The following ADGRB3 variants were observed in gnomAD, a reference collection of about 807,000 sequenced individuals.
ADGRB3 encodes brain-specific angiogenesis inhibitor 3.
Under a neutral mutation model 193.4 loss-of-function variants are expected in ADGRB3, and 37 were observed. The ratio of observed to expected loss-of-function variants is 0.19; its 90% CI spans 0.15 to 0.25. ADGRB3 has a LOEUF of 0.25. Ranked by LOEUF, ADGRB3 falls within the 10% of genes least tolerant of loss-of-function variation. The pLI is 1.00. For missense variants in ADGRB3, 1,637 were observed against 1,852.9 expected, an observed-to-expected ratio of 0.88 and a Z score of 2.14; for synonymous variants, 690 against 644.2, an observed-to-expected ratio of 1.07 and a Z score of -1.08.
intron 17 of ADGRB3, among the ~76,000 whole-genome samples, chr6:69,164,695 C>T (rs1242416428): frequency 6.6e-6 from 1 of 152,046 alleles, no homozygotes; most frequent in African/African-American, 2.4e-5. Flanking sequence ...TAGATAGGCA[C>T]TAATTGAGCA....
In ADGRB3 at chr6:69,298,931, A is replaced by G. The variant is rs142875773; in HGVS notation, c.2815-25941A>G. ...GATTGCTGGATCATATGGTAGTTCT[A>G]TTTTTAGTTTTTTAAGGGGCCCCCA... On this transcript the variant is annotated intron_variant, in intron 20 of 31. Transcript: ENST00000370598. Among the ~76,000 whole-genome samples the G allele has an allele frequency of 9.1e-3, 1,379 of 151,910 alleles. 54 individuals are homozygous for G. The highest frequency in any genetic ancestry group is 0.075 in the Admixed American group (1,143 of 15,208).
intron 30 of ADGRB3, among the ~76,000 whole-genome samples, chr6:69,382,037 T>C (rs963756358): frequency 1.3e-5 from 2 of 151,990 alleles, no homozygotes; most frequent in Middle Eastern, 3.4e-3. Flanking sequence ...TGAACAAGAT[T>C]CAGCCCATGA....
intron 3 of ADGRB3, among the ~76,000 whole-genome samples, chr6:68,687,171 CTAAA>C (rs1764997830): frequency 6.6e-6 from 1 of 151,512 alleles, no homozygotes; most frequent in Non-Finnish European, 1.5e-5. Context: ...CTAACAAAGC[CTAAA>C]TATATTTTTA....
intron 3 of ADGRB3, among the ~76,000 whole-genome samples, chr6:68,714,896 G>A (rs1186018424): frequency 6.6e-6 from 1 of 151,650 alleles, no homozygotes; most frequent in Non-Finnish European, 1.5e-5. Context: ...ATGAGATTAA[G>A]TGATCTCATC....
intron 11 of ADGRB3, among the ~76,000 whole-genome samples, chr6:69,012,500 T>C (rs1769966270): frequency 6.6e-6 from 1 of 152,070 alleles, no homozygotes; most frequent in Admixed American, 6.6e-5. Flanking sequence ...TAGAGCTCAA[T>C]GGACTAAGCC....
intron 18 of ADGRB3, among the ~76,000 whole-genome samples, chr6:69,234,793 G>T (rs1256765943): frequency 6.6e-6 from 1 of 152,052 alleles, no homozygotes; most frequent in African/African-American, 2.4e-5. Flanking sequence ...ATATTCCATA[G>T]CCCACCATTT....
At chr6:68,786,863 T>C (rs1030863877) in intron 3 of ADGRB3, among the ~76,000 whole-genome samples, 30 of 151,824 alleles carry the variant, frequency 2.0e-4, no homozygotes, top group Non-Finnish European at 3.7e-4. Context: ...TTGAAGAGGT[T>C]CTTCACATCC....
intron 3 of ADGRB3, among the ~76,000 whole-genome samples, chr6:68,704,108 A>AT (rs1447079509): frequency 6.6e-6 from 1 of 152,236 alleles, no homozygotes; most frequent in Non-Finnish European, 1.5e-5. Context: ...ACATTTTGAC[A>AT]TTTTAAACAT....
chr6:69,331,597 AT>A, intron 23 of ADGRB3: 1 of 985,412 alleles, frequency 1.0e-6, no homozygotes, highest in Non-Finnish European at 1.2e-6. Context: ...TGCAAGAAAA[AT>A]AAAATCAAGG....
intron 10 of ADGRB3, among the ~76,000 whole-genome samples, chr6:68,988,779 G>A (rs886074520): frequency 1.3e-5 from 2 of 152,108 alleles, no homozygotes; most frequent in Non-Finnish European, 2.9e-5. Context: ...CAAGCCTCCA[G>A]CAATGACCCA....
intron 17 of ADGRB3, among the ~76,000 whole-genome samples, chr6:69,115,371 C>A (rs1214550158): frequency 6.6e-6 from 1 of 152,036 alleles, no homozygotes; most frequent in African/African-American, 2.4e-5. Flanking sequence ...CGCATGTTCT[C>A]ACTCATAAGT....
chr6:68,715,799 A>G (rs545276360), intron 3 of ADGRB3, among the ~76,000 whole-genome samples: 1 of 151,934 alleles, frequency 6.6e-6, no homozygotes, highest in South Asian at 2.1e-4. Flanking sequence ...GAAAAGAATT[A>G]AACTCACAAT....
At chr6:69,072,300 G>T (rs767242925) in intron 16 of ADGRB3, among the ~76,000 whole-genome samples, 1 of 152,104 alleles carries the variant, frequency 6.6e-6, no homozygotes, top group Non-Finnish European at 1.5e-5. Flanking sequence ...ATGCTCACAT[G>T]TATGGTGTTT....
rs868857357 is a variant in ADGRB3 at position 69,031,100 on chromosome 6, T to G, written c.2107+12601T>G. ...TCTTCTCTTCTCTTCTCTTCTCTTC[T>G]CTTCTCTTCTCTTCTCTCTCTTCTC... On this transcript the variant is annotated intron_variant, in intron 13 of 31. Coordinates refer to ENST00000370598, the MANE Select transcript of ADGRB3 (RefSeq NM_001704.3). Among the ~76,000 whole-genome samples, 442 of 83,466 alleles carry G rather than the reference T, an allele frequency of 5.3e-3. 69 individuals are homozygous for G. Among genetic ancestry groups the G allele is most frequent in the African/African-American group, 0.015 (352 of 22,720 alleles). 54.8% of individuals were successfully genotyped at this position (83,466 alleles called of 152,430 possible).
Position 69,287,483 on chromosome 6 carries a change from GA to G in ADGRB3, c.2815-37381del, listed in dbSNP as rs550008161. Among the ~76,000 whole-genome samples, 106 of 151,632 alleles carry G rather than the reference GA, an allele frequency of 7.0e-4. No individual in the cohort carries two copies. The South Asian group carries it at 8.4e-3, about 12-fold the overall frequency. On this transcript the variant is annotated intron_variant, in intron 20 of 31. Transcript: ENST00000370598. ...AACTGAATCTACATGTAACAGAAAG[GA>G]AAAAAAACAAACTGAATCTACATGT...
chr6:69,149,920 CTT>C (rs1291270144), intron 17 of ADGRB3, among the ~76,000 whole-genome samples: 1 of 138,160 alleles, frequency 7.2e-6, no homozygotes, highest in Non-Finnish European at 1.5e-5. Context: ...CTCTGTCTGT[CTT>C]TCTGTGTGTG....
chr6:68,941,045 T>C (rs190688669), intron 5 of ADGRB3, among the ~76,000 whole-genome samples: 37 of 152,232 alleles, frequency 2.4e-4, no homozygotes, highest in Non-Finnish European at 4.4e-4. Context: ...CAAAAAGACA[T>C]ATAATAATAC....
At chr6:69,133,557 C>G (rs972020532) in intron 17 of ADGRB3, among the ~76,000 whole-genome samples, 10 of 152,066 alleles carry the variant, frequency 6.6e-5, no homozygotes, top group African/African-American at 2.2e-4. Context: ...GAGCTGGTAC[C>G]ATTCCTTCTG....
intron 3 of ADGRB3, among the ~76,000 whole-genome samples, chr6:68,784,320 A>G (rs954260681): frequency 6.6e-5 from 10 of 152,120 alleles, no homozygotes; most frequent in Admixed American, 4.6e-4. Flanking sequence ...GATTTAGCCA[A>G]AAGGCTGAGA....
Sources: gnomAD v4.1 joint callset for allele counts (sites outside exome capture counted in the v4.1 genomes callset) on GRCh38, gnomAD v4.1.1 for gene constraint, MANE v1.5 for transcripts, NCBI Gene and HGNC (gene_info 2026-07-23, HGNC 2026-07-21) for gene names.